The following ATP10B variants were observed in gnomAD, a reference collection of about 807,000 sequenced individuals.
ATP10B encodes ATPase phospholipid transporting 10B (putative).
In ATP10B, 122 loss-of-function variants were observed where a neutral mutation model predicts 141.2. The observed-to-expected ratio is 0.86, with a 90% confidence interval of 0.75 to 1.00. The LOEUF is 1.00. Among genes scored for constraint, ATP10B ranks in the 50% least tolerant of loss-of-function variants. The pLI is 0.00. For missense variants in ATP10B, 1,876 were observed against 1,825.3 expected (o/e 1.03, Z -0.51); for synonymous variants, 685 against 692.0 (o/e 0.99, Z 0.16).
chr5:160,630,978 A>G (rs1725875054), intron 13 of ATP10B, among the ~76,000 whole-genome samples: 1 of 152,240 alleles, frequency 6.6e-6, no homozygotes, highest in Non-Finnish European at 1.5e-5. Flanking sequence ...TGTTTTTGAT[A>G]TCAAGTTAAA....
chr5:160,620,458 C>T lies in ATP10B; in HGVS notation c.2305G>A (p.Val769Ile). Residue 769 changes from valine to isoleucine, a missense_variant, in exon 15 of 26, where the codon GTC becomes ATC. Coordinates refer to ENST00000327245, the MANE Select transcript of ATP10B (RefSeq NM_025153.3). ...ACAACCACAGACATTCTCTTCCTGA[C>T]AGAGTCAAAGCCCAGGGTGCAGAGG... ...SLLCTLGFDS[V>I]RKRMSVVVRH... is the part of the protein sequence containing the mutation. 1 of 1,614,214 alleles carries T rather than the reference C, an allele frequency of 6.2e-7. No homozygotes were observed. Among genetic ancestry groups the T allele is most frequent in the Non-Finnish European group, 8.5e-7 (1 of 1,180,028 alleles).
chr5:160,747,361 GC>G (rs1436351842), intron 2 of ATP10B, among the ~76,000 whole-genome samples: 1 of 152,164 alleles, frequency 6.6e-6, no homozygotes. Flanking sequence ...AAACAGCCTG[GC>G]GTGGGTTGAA....
At chr5:160,626,297 G>T (rs922330161) in intron 13 of ATP10B, among the ~76,000 whole-genome samples, 3 of 152,268 alleles carry the variant, frequency 2.0e-5, no homozygotes, top group East Asian at 1.9e-4. Context: ...AACCCCCTTT[G>T]AGGAAGCTGA....
At chr5:160,669,918 T>TAA (rs776037475) in intron 7 of ATP10B, among the ~76,000 whole-genome samples, 2 of 89,662 alleles carry the variant, frequency 2.2e-5, no homozygotes, top group Non-Finnish European at 3.9e-5. Context: ...CCCAGTCTCT[T>TAA]AAAAAAAAAA....
intron 11 of ATP10B, among the ~76,000 whole-genome samples, chr5:160,635,832 C>T (rs1262868055): frequency 6.6e-6 from 1 of 152,208 alleles, no homozygotes; most frequent in Non-Finnish European, 1.5e-5. Context: ...CTCTGTCGCT[C>T]ACTGTGCTAC....
At chr5:160,592,406 T>G (rs2127613929) in intron 22 of ATP10B, among the ~76,000 whole-genome samples, 1 of 152,216 alleles carries the variant, frequency 6.6e-6, no homozygotes, top group East Asian at 1.9e-4. Context: ...TATTAATGTG[T>G]GATATAATTA....
At chr5:160,595,946 C>T (rs1310671635) in intron 22 of ATP10B, among the ~76,000 whole-genome samples, 3 of 152,110 alleles carry the variant, frequency 2.0e-5, no homozygotes, top group Non-Finnish European at 2.9e-5. Context: ...GATTCACAGC[C>T]GAATTCTACC....
At chr5:160,861,282 C>T in the ATP10B span, among the ~76,000 whole-genome samples, 1 of 151,810 alleles carries the variant, frequency 6.6e-6, no homozygotes, top group African/African-American at 2.4e-5. Flanking sequence ...AGAGAACTAC[C>T]TACCATAATT....
At chr5:160,799,670 G>C (rs1772235780) in intron 1 of ATP10B, among the ~76,000 whole-genome samples, 1 of 152,152 alleles carries the variant, frequency 6.6e-6, no homozygotes, top group Admixed American at 6.5e-5. Flanking sequence ...TGCCATTCAT[G>C]AATGCTAGCA....
At chr5:160,724,306 G>A (rs1766190660) in intron 2 of ATP10B, among the ~76,000 whole-genome samples, 1 of 133,142 alleles carries the variant, frequency 7.5e-6, no homozygotes, top group South Asian at 2.5e-4. Flanking sequence ...CACCCAGGCT[G>A]AAATGCAGTG....
intron 14 of ATP10B, 144 bp from the exon 15 acceptor site, chr5:160,621,094 G>T: frequency 9.9e-7 from 1 of 1,008,992 alleles, no homozygotes; most frequent in Non-Finnish European, 1.4e-6. Flanking sequence ...CATTGACAAT[G>T]GTCATTTTCC....
At chr5:160,822,985 T>TATAC (rs1208243955) in intron 1 of ATP10B, among the ~76,000 whole-genome samples, 64 of 86,504 alleles carry the variant, frequency 7.4e-4, no homozygotes, top group Non-Finnish European at 1.1e-3. Context: ...AAAAATTACA[T>TATAC]ATACATATAT....
chr5:160,765,653 G>C (rs936389756), intron 2 of ATP10B, among the ~76,000 whole-genome samples: 4 of 151,974 alleles, frequency 2.6e-5, no homozygotes, highest in Non-Finnish European at 5.9e-5. Context: ...TTTGGCTTAG[G>C]CAAAAACTTC....
chr5:160,605,977 CA>C (rs1757365522), intron 19 of ATP10B, among the ~76,000 whole-genome samples: 1 of 152,132 alleles, frequency 6.6e-6, no homozygotes, highest in African/African-American at 2.4e-5. Context: ...AAGTGTTTTA[CA>C]GAGGAAATAA....
intron 2 of ATP10B, among the ~76,000 whole-genome samples, chr5:160,782,562 A>G (rs933107729): frequency 1.3e-5 from 2 of 151,828 alleles, no homozygotes; most frequent in East Asian, 1.9e-4. Context: ...CTAGTCCTCT[A>G]TGGTTCTTCC....
rs1014160141 is a variant in ATP10B at position 160,565,986 on chromosome 5, A to C, written c.3939-86T>G. 20 of 1,297,282 alleles carry C rather than the reference A, an allele frequency of 1.5e-5. No homozygotes were observed. In the Admixed American group the frequency reaches 2.6e-4, roughly 17 times the overall value. The allele number at this position is 1,297,282 out of a possible 1,614,324, so 80.4% of individuals were successfully genotyped here. A position where few individuals can be genotyped will look rare whatever the true frequency, so the allele number is the denominator to read the frequency against. On this transcript the variant is annotated intron_variant, in intron 25 of 25. Transcript: ENST00000327245. ...ATTAAAAGATAGTCTTTAGAATCCA[A>C]CTCCCTGCCTGGAGCAAGATCCTCT...
chr5:160,705,596 T>G (rs75240425), intron 3 of ATP10B, among the ~76,000 whole-genome samples: 2 of 152,176 alleles, frequency 1.3e-5, no homozygotes, highest in Admixed American at 6.5e-5. Flanking sequence ...CACCTCTCTC[T>G]GTCTTCATAA....
the ATP10B span, among the ~76,000 whole-genome samples, chr5:160,879,991 C>T: frequency 6.6e-6 from 1 of 151,794 alleles, no homozygotes; most frequent in Admixed American, 6.6e-5. Context: ...ACAGCAAACA[C>T]CATGTATATA....
At chr5:160,690,259 G>A (rs1446076639) in intron 3 of ATP10B, among the ~76,000 whole-genome samples, 1 of 152,138 alleles carries the variant, frequency 6.6e-6, no homozygotes, top group Non-Finnish European at 1.5e-5. Flanking sequence ...AACCCTAGAA[G>A]AAAACCTAGG....
Sources: allele counts gnomAD v4.1 joint callset (sites outside exome capture counted in the v4.1 genomes callset), GRCh38; gene constraint gnomAD v4.1.1; transcripts MANE v1.5; gene names NCBI Gene and HGNC (gene_info 2026-07-23, HGNC 2026-07-21).